SSBP3: variants seen among roughly 807,000 people sequenced by gnomAD.
The protein encoded by SSBP3 is single-stranded DNA-binding protein 3.
Under a neutral mutation model 69.6 loss-of-function variants are expected in SSBP3, and 5 were observed. The ratio of observed to expected loss-of-function variants is 0.07; its 90% CI spans 0.04 to 0.15. The LOEUF is 0.15. Among genes scored for constraint, SSBP3 ranks in the 10% least tolerant of loss-of-function variants. The pLI is 1.00. For missense variants in SSBP3, 312 were observed against 534.0 expected, an observed-to-expected ratio of 0.58 and a Z score of 4.10; for synonymous variants, 196 against 193.4, an observed-to-expected ratio of 1.01 and a Z score of -0.11.
intron 16 of SSBP3, 43 bp from the exon 17 acceptor site, chr1:54,228,399 AC>A: frequency 6.2e-7 from 1 of 1,614,116 alleles, no homozygotes; most frequent in Admixed American, 1.7e-5. Flanking sequence ...GTCCCCAACA[AC>A]CTGCCCACAC....
chr1:54,406,359 CGCT>C (rs1301654697), exon 1 of SSBP3: 2 of 88,816 alleles, frequency 2.3e-5, no homozygotes, highest in Non-Finnish European at 3.9e-5. Context: ...CCTCCAGCAC[CGCT>C]GCCGCCGCCG....
At chr1:54,379,949 G>C (rs1359262092) in intron 4 of SSBP3, among the ~76,000 whole-genome samples, 5 of 152,196 alleles carry the variant, frequency 3.3e-5, no homozygotes, top group Admixed American at 6.5e-5. Context: ...TCATTTTTTG[G>C]GGCTGGGAAA....
upstream of SSBP3, among the ~76,000 whole-genome samples, chr1:54,406,587 G>C (rs1395594185): frequency 2.0e-5 from 3 of 151,842 alleles, no homozygotes. Context: ...GCCTGCTCCT[G>C]CAGGCGAACT....
chr1:54,373,396 C>G (rs2073108), intron 4 of SSBP3, among the ~76,000 whole-genome samples: 17,353 of 152,062 alleles, frequency 0.11, 1,146 homozygotes, highest in East Asian at 0.28. Flanking sequence ...AAGGGTTACA[C>G]GAATCCAGCC....
intron 4 of SSBP3, among the ~76,000 whole-genome samples, chr1:54,373,381 T>G (rs1647167314): frequency 6.6e-6 from 1 of 151,832 alleles, no homozygotes; most frequent in African/African-American, 2.4e-5. Flanking sequence ...AGTTACAGAG[T>G]TGAGAAGGGT....
In SSBP3 at chr1:54,238,885, A is replaced by G. The variant is rs1280986600; in HGVS notation, c.927+244T>C. The G allele has an allele frequency of 7.2e-6, 3 of 414,254 alleles. No individual in the cohort carries two copies. In the Admixed American group the frequency reaches 1.2e-4, roughly 17 times the overall value. 25.7% of individuals were successfully genotyped at this position (414,254 alleles called of 1,614,324 possible). ...GCAGGAGGTGGCAAGTCCCAGCAGC[A>G]CAGCGGGCACCCTGGCTCTAACCAG... is the stretch of plus-strand genomic sequence containing the variant. On this transcript the variant is annotated intron_variant, in intron 14 of 17. Transcript: ENST00000610401.
intron 4 of SSBP3, among the ~76,000 whole-genome samples, chr1:54,305,269 C>T (rs1645878389): frequency 6.6e-6 from 1 of 152,162 alleles, no homozygotes; most frequent in Non-Finnish European, 1.5e-5. Context: ...AGACCCAGGC[C>T]CTGCCCTTCC....
chr1:54,317,404 G>A (rs1281511482), intron 4 of SSBP3, among the ~76,000 whole-genome samples: 1 of 152,026 alleles, frequency 6.6e-6, no homozygotes, highest in African/African-American at 2.4e-5. Flanking sequence ...GGGTGTGGTG[G>A]CAGGCGCCTG....
At chr1:54,377,721 A>G (rs902081816) in intron 4 of SSBP3, among the ~76,000 whole-genome samples, 7 of 152,204 alleles carry the variant, frequency 4.6e-5, no homozygotes, top group African/African-American at 1.4e-4. Context: ...GAAAAATAAT[A>G]TATGTCAAAC....
intron 4 of SSBP3, among the ~76,000 whole-genome samples, chr1:54,323,408 G>A (rs921619654): frequency 1.3e-5 from 2 of 152,166 alleles, no homozygotes; most frequent in Non-Finnish European, 2.9e-5. Flanking sequence ...TGGGAGTCAG[G>A]CCCTGGAAAC....
intron 10 of SSBP3, 95 bp from the exon 11 acceptor site, chr1:54,242,307 C>A (rs867830701): frequency 6.9e-7 from 1 of 1,446,196 alleles, no homozygotes; most frequent in Middle Eastern, 1.8e-4. Flanking sequence ...GCTGAAATCA[C>A]AACAGGAAGT....
At chr1:54,407,871 C>A (rs189885084), upstream of SSBP3, among the ~76,000 whole-genome samples, 249 of 149,868 alleles carry the variant, frequency 1.7e-3, 1 homozygote, top group African/African-American at 5.9e-3. Flanking sequence ...GGGGAAAACA[C>A]GTTTCAAGTA....
chr1:54,380,729 A>G (rs970538455), intron 4 of SSBP3, among the ~76,000 whole-genome samples: 1 of 152,126 alleles, frequency 6.6e-6, no homozygotes, highest in African/African-American at 2.4e-5. Flanking sequence ...GCCTGGTTGT[A>G]ATGCCCCACC....
At chr1:54,394,281 G>C (rs1241398719) in intron 4 of SSBP3, among the ~76,000 whole-genome samples, 1 of 152,126 alleles carries the variant, frequency 6.6e-6, no homozygotes, top group East Asian at 1.9e-4. Context: ...AAGAACACTA[G>C]GTGACCTCCA....
chr1:54,270,243 G>A (rs1440970872), intron 5 of SSBP3, among the ~76,000 whole-genome samples: 3 of 152,160 alleles, frequency 2.0e-5, no homozygotes, highest in Non-Finnish European at 4.4e-5. Flanking sequence ...AGGCGCACAG[G>A]TGAAGACCCA....
At chr1:54,296,638 C>T (rs1172751333) in intron 4 of SSBP3, among the ~76,000 whole-genome samples, 2 of 152,170 alleles carry the variant, frequency 1.3e-5, no homozygotes, top group Middle Eastern at 3.2e-3. Context: ...ATCTAGAAAA[C>T]GAGGACAATA....
chr1:54,333,606 A>T (rs1474053333), intron 4 of SSBP3, among the ~76,000 whole-genome samples: 4 of 152,202 alleles, frequency 2.6e-5, no homozygotes, highest in Admixed American at 6.5e-5. Context: ...AAGACAGGCT[A>T]TCTGGGTTTA....
intron 4 of SSBP3, among the ~76,000 whole-genome samples, chr1:54,380,412 G>A (rs1647533047): frequency 6.6e-6 from 1 of 152,248 alleles, no homozygotes; most frequent in South Asian, 2.1e-4. Flanking sequence ...CTTTGGATCA[G>A]AACCAGTGTC....
chr1:54,364,074 C>G (rs1453234603), intron 4 of SSBP3, among the ~76,000 whole-genome samples: 5 of 152,230 alleles, frequency 3.3e-5, no homozygotes, highest in Non-Finnish European at 5.9e-5. Flanking sequence ...AGAGAACACT[C>G]TAGAGCTTAG....
Sources: allele counts gnomAD v4.1 joint callset (sites outside exome capture counted in the v4.1 genomes callset), GRCh38; gene constraint gnomAD v4.1.1; transcripts MANE v1.5; gene names NCBI Gene and HGNC (gene_info 2026-07-23, HGNC 2026-07-21).